PLXNA4: variants seen among roughly 807,000 people sequenced by gnomAD.
PLXNA4 encodes plexin-A4.
A neutral mutation model predicts 191.8 loss-of-function variants in PLXNA4; 44 were observed. That is an observed-to-expected ratio of 0.23 (90% CI 0.18 to 0.29). The LOEUF (loss-of-function observed/expected upper bound fraction) is 0.29. PLXNA4 is among the 10% of genes least tolerant of loss of function. The pLI, the probability that PLXNA4 is intolerant of heterozygous loss-of-function variation, is 1.00. For synonymous variants in PLXNA4, 1,082 were observed against 1,009.5 expected, an observed-to-expected ratio of 1.07 and a Z score of -1.36; for missense variants, 1,800 against 2,488.8, an observed-to-expected ratio of 0.72 and a Z score of 5.89.
intron 3 of PLXNA4, among the ~76,000 whole-genome samples, chr7:132,328,652 G>A (rs1281605020): frequency 6.6e-6 from 1 of 152,184 alleles, no homozygotes; most frequent in Non-Finnish European, 1.5e-5. Context: ...TCATGGTGGC[G>A]AAACTGGAAT....
chr7:132,296,073 C>T, intron 4 of PLXNA4, among the ~76,000 whole-genome samples: 1 of 152,182 alleles, frequency 6.6e-6, no homozygotes, highest in East Asian at 1.9e-4. Context: ...CAAGAATCCA[C>T]AAGCCCAGTG....
At chr7:132,588,034 A>G (rs1802534205) in intron 2 of PLXNA4, among the ~76,000 whole-genome samples, 1 of 148,054 alleles carries the variant, frequency 6.8e-6, no homozygotes, top group Admixed American at 6.7e-5. Flanking sequence ...TCCTTGGGGG[A>G]CCCTTTCCAT....
intron 22 of PLXNA4, among the ~76,000 whole-genome samples, chr7:132,167,334 T>C (rs987091929): frequency 2.0e-5 from 3 of 152,086 alleles, no homozygotes; most frequent in African/African-American, 7.2e-5. Flanking sequence ...TGTTGAGTGG[T>C]GGACTCTGGG....
chr7:132,457,284 G>T (rs1188242948), intron 3 of PLXNA4, among the ~76,000 whole-genome samples: 2 of 152,160 alleles, frequency 1.3e-5, no homozygotes, highest in Non-Finnish European at 2.9e-5. Context: ...TCCAATCCAA[G>T]ATCCCACACT....
intron 3 of PLXNA4, among the ~76,000 whole-genome samples, chr7:132,456,111 C>CT (rs548680891): frequency 0.066 from 8,558 of 129,002 alleles, 358 homozygotes; most frequent in African/African-American, 0.12. Context: ...CTCCTCTGTT[C>CT]TTTTTTTTTT....
In PLXNA4 at chr7:132,146,636, A is replaced by G. The variant is rs1795442066; in HGVS notation, c.4929T>C (p.Pro1643=). 2 of 1,614,188 alleles carry G rather than the reference A, an allele frequency of 1.2e-6. No individual in the cohort carries two copies. The highest frequency in any genetic ancestry group is 1.7e-6 in the Non-Finnish European group (2 of 1,180,030). ...SLRSRTPMIT[P]DLESGVKMWH... is the part of the protein sequence containing the mutation. ...ACATCTTGACTCCACTCTCCAGGTCAGGAGTGATCATAGGTGTCCGTGAGC... is the reference window on the plus strand; with the variant it reads ...ACATCTTGACTCCACTCTCCAGGTCGGGAGTGATCATAGGTGTCCGTGAGC... Residue 1643 remains proline, a synonymous_variant, in exon 28 of 32, where the codon CCT becomes CCC. Transcript: ENST00000321063.
intron 3 of PLXNA4, among the ~76,000 whole-genome samples, chr7:132,383,132 C>T (rs1160968643): frequency 6.6e-6 from 1 of 152,196 alleles, no homozygotes; most frequent in Non-Finnish European, 1.5e-5. Context: ...ATCCCTCCAT[C>T]CATGCTCCCT....
intron 3 of PLXNA4, among the ~76,000 whole-genome samples, chr7:132,365,366 C>CGT (rs1308957746): frequency 2.4e-5 from 3 of 124,408 alleles, no homozygotes; most frequent in Non-Finnish European, 1.6e-5. Context: ...TGTGTGCGTG[C>CGT]GCGCGCATGC....
chr7:132,387,010 A>G (rs1439736692), intron 3 of PLXNA4, among the ~76,000 whole-genome samples: 4 of 152,262 alleles, frequency 2.6e-5, no homozygotes, highest in African/African-American at 9.6e-5. Context: ...ATACAAATGC[A>G]TTGAGTATGT....
At chr7:132,300,649 T>G (rs1409972936) in intron 3 of PLXNA4, among the ~76,000 whole-genome samples, 1 of 151,790 alleles carries the variant, frequency 6.6e-6, no homozygotes, top group Admixed American at 6.6e-5. Context: ...GAAACAGGAG[T>G]TCATGCAAAA....
chr7:132,316,889 G>A (rs1469134406), intron 3 of PLXNA4, among the ~76,000 whole-genome samples: 2 of 152,230 alleles, frequency 1.3e-5, no homozygotes, highest in Non-Finnish European at 2.9e-5. Flanking sequence ...AAGACTGCCT[G>A]TTGCTTGAGC....
chr7:132,616,736 G>A (rs1415034249), intron 2 of PLXNA4, among the ~76,000 whole-genome samples: 1 of 152,096 alleles, frequency 6.6e-6, no homozygotes, highest in Non-Finnish European at 1.5e-5. Flanking sequence ...TGCGCCCAGT[G>A]GATCCTCTTG....
At chr7:132,269,877 G>A (rs1040253577) in intron 4 of PLXNA4, among the ~76,000 whole-genome samples, 1 of 152,134 alleles carries the variant, frequency 6.6e-6, no homozygotes, top group African/African-American at 2.4e-5. Flanking sequence ...AGGGAGTCCT[G>A]CAGAGGGGAG....
At chr7:132,177,035 AT>A (rs1796494629) in intron 20 of PLXNA4, among the ~76,000 whole-genome samples, 2 of 101,390 alleles carry the variant, frequency 2.0e-5, no homozygotes, top group Non-Finnish European at 4.9e-5. Context: ...GTGTGTAAGT[AT>A]ATGTCAGTGT....
chr7:132,140,914 T>C, intron 29 of PLXNA4, 103 bp from the exon 30 acceptor site: 2 of 1,527,178 alleles, frequency 1.3e-6, no homozygotes, highest in Non-Finnish European at 1.8e-6. Context: ...GGGGAACTAA[T>C]AGAACTTAAG....
At chr7:132,231,152 G>T (rs1798510864) in intron 5 of PLXNA4, among the ~76,000 whole-genome samples, 1 of 152,074 alleles carries the variant, frequency 6.6e-6, no homozygotes, top group African/African-American at 2.4e-5. Context: ...GTATAATCTT[G>T]GGCAAATTAC....
chr7:132,280,639 T>C (rs1475602833), intron 4 of PLXNA4, among the ~76,000 whole-genome samples: 2 of 152,154 alleles, frequency 1.3e-5, no homozygotes, highest in Non-Finnish European at 2.9e-5. Context: ...CTAGAAGGCA[T>C]TGGGTAAATT....
At chr7:132,279,651 A>G (rs752227502) in intron 4 of PLXNA4, among the ~76,000 whole-genome samples, 2 of 152,052 alleles carry the variant, frequency 1.3e-5, no homozygotes, top group African/African-American at 4.8e-5. Context: ...GAAAAAAAAG[A>G]GAGAAAATTG....
intron 25 of PLXNA4, among the ~76,000 whole-genome samples, chr7:132,156,135 TACACACACACACACACACACAC>T (rs57153762): frequency 1.7e-4 from 22 of 133,100 alleles, no homozygotes; most frequent in East Asian, 1.1e-3. Context: ...TTTCTGGACA[TACACACACACACACACACACAC>T]ACACACACAC....
Sources: gnomAD v4.1 joint callset for allele counts (sites outside exome capture counted in the v4.1 genomes callset) on GRCh38, gnomAD v4.1.1 for gene constraint, MANE v1.5 for transcripts, NCBI Gene and HGNC (gene_info 2026-07-23, HGNC 2026-07-21) for gene names.